The following KCNH7 variants were observed in gnomAD, a reference collection of about 807,000 sequenced individuals.
KCNH7 encodes the protein voltage-gated inwardly rectifying potassium channel KCNH7.
A neutral mutation model predicts 120.8 loss-of-function variants in KCNH7; 49 were observed. The observed-to-expected ratio is 0.41, with a 90% CI of 0.32 to 0.51. The LOEUF (loss-of-function observed/expected upper bound fraction) is 0.51. Ranked by LOEUF, KCNH7 falls within the 20% of genes least tolerant of loss-of-function variation. KCNH7 has a pLI of 0.38. For synonymous variants in KCNH7, 547 were observed against 516.1 expected (o/e 1.06, Z -0.81); for missense variants, 1,097 against 1,446.6 (o/e 0.76, Z 3.92).
intron 2 of KCNH7, among the ~76,000 whole-genome samples, chr2:162,553,339 T>A (rs1692744705): frequency 6.6e-6 from 1 of 152,196 alleles, no homozygotes. Flanking sequence ...ACTTTCATCA[T>A]TCCCTGTAGA....
At chr2:162,472,447 A>T (rs376043309) in intron 6 of KCNH7, among the ~76,000 whole-genome samples, 4 of 152,186 alleles carry the variant, frequency 2.6e-5, no homozygotes, top group South Asian at 2.1e-4. Flanking sequence ...CAGACACTTC[A>T]CAAAAGAAGA....
intron 2 of KCNH7, among the ~76,000 whole-genome samples, chr2:162,537,620 C>T (rs1342570260): frequency 6.6e-6 from 1 of 151,964 alleles, no homozygotes; most frequent in Non-Finnish European, 1.5e-5. Flanking sequence ...TTCACAACGT[C>T]CAAATTACAA....
intron 2 of KCNH7, among the ~76,000 whole-genome samples, chr2:162,780,009 AT>A (rs1362613389): frequency 6.6e-6 from 1 of 152,202 alleles, no homozygotes; most frequent in Non-Finnish European, 1.5e-5. Context: ...TATAGCAAGA[AT>A]GTTAGTGGTG....
At chr2:162,679,098 A>G (rs1685624497) in intron 2 of KCNH7, among the ~76,000 whole-genome samples, 1 of 151,616 alleles carries the variant, frequency 6.6e-6, no homozygotes, top group Non-Finnish European at 1.5e-5. Context: ...GTTATCCTGG[A>G]ATGTAAGATT....
At chr2:162,423,003 A>AT (rs965902054) in intron 9 of KCNH7, among the ~76,000 whole-genome samples, 26 of 152,212 alleles carry the variant, frequency 1.7e-4, no homozygotes, top group Middle Eastern at 6.8e-3. Context: ...GGATTCAACT[A>AT]TTTTTTGGGG....
At chr2:162,760,275 T>C (rs1688923999) in intron 2 of KCNH7, among the ~76,000 whole-genome samples, 1 of 152,112 alleles carries the variant, frequency 6.6e-6, no homozygotes, top group African/African-American at 2.4e-5. Flanking sequence ...AAACAATACT[T>C]TGCTCTGACA....
intron 2 of KCNH7, among the ~76,000 whole-genome samples, chr2:162,567,767 A>G (rs1291041872): frequency 1.2e-4 from 18 of 152,060 alleles, no homozygotes; most frequent in Admixed American, 9.9e-4. Context: ...GTATGAAACA[A>G]TGAGTAATTT....
At chr2:162,604,203 T>G (rs982668810) in intron 2 of KCNH7, among the ~76,000 whole-genome samples, 1 of 152,100 alleles carries the variant, frequency 6.6e-6, no homozygotes, top group Non-Finnish European at 1.5e-5. Flanking sequence ...AGGAATAAAA[T>G]TGTTGCTTAC....
intron 2 of KCNH7, among the ~76,000 whole-genome samples, chr2:162,628,600 T>G (rs1015332066): frequency 4.6e-5 from 7 of 152,100 alleles, no homozygotes; most frequent in African/African-American, 9.7e-5. Context: ...TCCCATTTTC[T>G]GTCCTTCAAT....
intron 2 of KCNH7, among the ~76,000 whole-genome samples, chr2:162,716,873 A>T: frequency 6.6e-6 from 1 of 152,146 alleles, no homozygotes; most frequent in South Asian, 2.1e-4. Flanking sequence ...TACAGCCATG[A>T]TGTATATTAT....
intron 8 of KCNH7, among the ~76,000 whole-genome samples, chr2:162,424,214 G>GA (rs1195559149): frequency 6.6e-6 from 1 of 151,998 alleles, no homozygotes; most frequent in Non-Finnish European, 1.5e-5. Flanking sequence ...TTTTTGTAGG[G>GA]AAAAAATAGA....
Position 162,836,738 on chromosome 2 carries a change from C to G in KCNH7, c.106G>C (p.Val36Leu). The G allele has an allele frequency of 6.2e-7, 1 of 1,613,894 alleles. No individual in the cohort carries two copies. The change falls in exon 2 of 16, where the codon GTG (valine) becomes CTG (leucine). Residue 36 changes from valine (V) to leucine (L), a missense_variant. Coordinates refer to ENST00000332142, the MANE Select transcript of KCNH7 (RefSeq NM_033272.4). ...NKKFIIANAR[V>L]QNCAIIYCND... ...CAATAAATGATGGCACAGTTCTGCA[C>G]TCTGGCATTTGCAATGATAAATTTT...
chr2:162,645,443 G>T (rs371732448), intron 2 of KCNH7, among the ~76,000 whole-genome samples: 1 of 152,112 alleles, frequency 6.6e-6, no homozygotes, highest in Admixed American at 6.6e-5. Flanking sequence ...ACTACACCTG[G>T]CCTATTACAA....
intron 2 of KCNH7, among the ~76,000 whole-genome samples, chr2:162,566,086 G>T (rs1693240581): frequency 6.6e-6 from 1 of 151,914 alleles, no homozygotes; most frequent in Admixed American, 6.6e-5. Context: ...TGCTCATAGT[G>T]GGGGACTGAA....
intron 9 of KCNH7, among the ~76,000 whole-genome samples, chr2:162,414,800 T>C (rs1687492683): frequency 6.6e-6 from 1 of 152,018 alleles, no homozygotes; most frequent in Admixed American, 6.6e-5. Context: ...AAAGTAGAGA[T>C]GTTGCAATTT....
At chr2:162,610,491 T>C (rs1202947258) in intron 2 of KCNH7, among the ~76,000 whole-genome samples, 1 of 152,220 alleles carries the variant, frequency 6.6e-6, no homozygotes, top group Non-Finnish European at 1.5e-5. Context: ...GGTTAGAACA[T>C]TGTATTTGTA....
At chr2:162,784,641 C>T (rs1683633190) in intron 2 of KCNH7, 1 of 152,124 alleles carries the variant, frequency 6.6e-6, no homozygotes, top group African/African-American at 2.4e-5. Context: ...TCAAGAACCA[C>T]CACCTGCAAA....
intron 2 of KCNH7, among the ~76,000 whole-genome samples, chr2:162,573,533 A>C (rs1303367660): frequency 6.6e-6 from 1 of 152,070 alleles, no homozygotes; most frequent in Non-Finnish European, 1.5e-5. Flanking sequence ...CAAAGAGTTT[A>C]TTAATTACAT....
In KCNH7 at chr2:162,772,116, G is replaced by A. The variant is rs1189037301; in HGVS notation, c.307+64421C>T. 3.3e-5 allele frequency: 5 copies of A among 152,258 alleles called. No homozygotes were observed. In the East Asian group the frequency reaches 9.6e-4, roughly 29 times the overall value. The allele number at this position is 152,258 out of a possible 1,614,324, so 9.4% of individuals were successfully genotyped here. A position where few individuals can be genotyped will look rare whatever the true frequency, so the allele number is the denominator to read the frequency against. On this transcript the variant is annotated intron_variant, in intron 2 of 15. Transcript: ENST00000332142. ...TACCTCCAAACATTTTGTTATATAA[G>A]ATGATGAATCTCATGTTGTATAACC...
Sources: gnomAD v4.1 joint callset for allele counts (sites outside exome capture counted in the v4.1 genomes callset) on GRCh38, gnomAD v4.1.1 for gene constraint, MANE v1.5 for transcripts, NCBI Gene and HGNC (gene_info 2026-07-23, HGNC 2026-07-21) for gene names.